NLGN1: variants seen among roughly 807,000 people sequenced by gnomAD.
NLGN1 encodes the protein neuroligin 1, also known as neuroligin-1.
A neutral mutation model predicts 65.5 loss-of-function variants in NLGN1; 12 were observed. The ratio of observed to expected loss-of-function variants is 0.18; its 90% CI spans 0.12 to 0.30. The LOEUF (loss-of-function observed/expected upper bound fraction) is 0.30, where lower values mean the gene tolerates loss of function less well. Ranked by LOEUF, NLGN1 falls within the 10% of genes least tolerant of loss-of-function variation. The pLI, the probability that NLGN1 is intolerant of heterozygous loss-of-function variation, is 1.00. For synonymous variants in NLGN1, 350 were observed against 359.5 expected, an observed-to-expected ratio of 0.97 and a Z score of 0.30; for missense variants, 750 against 1,007.1, an observed-to-expected ratio of 0.74 and a Z score of 3.46.
chr3:173,450,195 T>A (rs1721217445), intron 2 of NLGN1, among the ~76,000 whole-genome samples: 1 of 152,200 alleles, frequency 6.6e-6, no homozygotes, highest in Admixed American at 6.5e-5. Flanking sequence ...TTGCAGTGGC[T>A]GGTACTGGTT....
chr3:173,701,693 G>A (rs897726801), intron 3 of NLGN1, among the ~76,000 whole-genome samples: 2 of 152,198 alleles, frequency 1.3e-5, no homozygotes, highest in African/African-American at 4.8e-5. Flanking sequence ...AATTAGAACA[G>A]AGTGATTCAG....
intron 2 of NLGN1, among the ~76,000 whole-genome samples, chr3:173,511,132 T>C (rs1257071227): frequency 6.6e-6 from 1 of 152,186 alleles, no homozygotes; most frequent in South Asian, 2.1e-4. Flanking sequence ...CATTTAGTAT[T>C]GAAGAGAAAA....
chr3:173,568,124 A>G (rs1227264488), intron 2 of NLGN1, among the ~76,000 whole-genome samples: 2 of 151,628 alleles, frequency 1.3e-5, no homozygotes, highest in African/African-American at 4.8e-5. Flanking sequence ...CTCTTGTACA[A>G]TAGATTTCCT....
chr3:173,613,358 C>T (rs139132737), intron 3 of NLGN1, among the ~76,000 whole-genome samples: 90 of 152,242 alleles, frequency 5.9e-4, no homozygotes, highest in African/African-American at 2.0e-3. Flanking sequence ...CCCTTTACCA[C>T]GATGACCCTT....
At chr3:173,705,783 C>T (rs974040517) in intron 3 of NLGN1, among the ~76,000 whole-genome samples, 1 of 151,848 alleles carries the variant, frequency 6.6e-6, no homozygotes, top group African/African-American at 2.4e-5. Flanking sequence ...GAGCCTGATC[C>T]TTTACATTTG....
intron 4 of NLGN1, among the ~76,000 whole-genome samples, chr3:174,110,508 A>C (rs1420568948): frequency 1.3e-5 from 2 of 151,990 alleles, no homozygotes; most frequent in Non-Finnish European, 2.9e-5. Flanking sequence ...TAACTCTTCA[A>C]GCATTTTCGT....
chr3:174,110,047 ATT>A (rs1277602004), intron 4 of NLGN1, among the ~76,000 whole-genome samples: 2 of 151,738 alleles, frequency 1.3e-5, no homozygotes, highest in Non-Finnish European at 2.9e-5. Flanking sequence ...TATTTTCATT[ATT>A]TTTTGTTTGT....
chr3:174,018,398 GAAGTGAT>G (rs913115942), intron 4 of NLGN1, among the ~76,000 whole-genome samples: 7 of 152,170 alleles, frequency 4.6e-5, no homozygotes, highest in African/African-American at 1.7e-4. Context: ...ATTGATTGGG[GAAGTGAT>G]AAGTGTCCAT....
chr3:174,046,308 C>G (rs948884214), intron 4 of NLGN1, among the ~76,000 whole-genome samples: 4 of 151,488 alleles, frequency 2.6e-5, no homozygotes, highest in African/African-American at 9.7e-5. Context: ...AAAATTGGCA[C>G]AATAAGATAT....
At chr3:173,930,872 G>C (rs952865793) in intron 4 of NLGN1, among the ~76,000 whole-genome samples, 2 of 152,152 alleles carry the variant, frequency 1.3e-5, no homozygotes, top group Non-Finnish European at 2.9e-5. Context: ...TTTAAAATCT[G>C]TGTGGCCTCC....
intron 3 of NLGN1, among the ~76,000 whole-genome samples, chr3:173,608,400 G>A (rs1212281746): frequency 6.6e-6 from 1 of 151,856 alleles, no homozygotes; most frequent in African/African-American, 2.4e-5. Flanking sequence ...GAACAAACAG[G>A]CAGATAACAT....
intron 4 of NLGN1, among the ~76,000 whole-genome samples, chr3:174,000,239 A>C (rs919943014): frequency 6.6e-6 from 1 of 152,144 alleles, no homozygotes; most frequent in Non-Finnish European, 1.5e-5. Flanking sequence ...AAAATTTCTC[A>C]TCAGGAATTT....
At chr3:173,513,900 C>A (rs530803255) in intron 2 of NLGN1, among the ~76,000 whole-genome samples, 28 of 152,030 alleles carry the variant, frequency 1.8e-4, no homozygotes, top group Admixed American at 9.2e-4. Flanking sequence ...TGGTGGTGGG[C>A]GCCTGTAATC....
intron 4 of NLGN1, among the ~76,000 whole-genome samples, chr3:174,264,476 G>C (rs1454414429): frequency 1.6e-4 from 24 of 149,736 alleles, no homozygotes; most frequent in Non-Finnish European, 2.5e-4. Flanking sequence ...TGATCGCATC[G>C]GCTCCTGAGG....
intron 2 of NLGN1, among the ~76,000 whole-genome samples, chr3:173,500,646 C>T (rs1730931872): frequency 6.6e-6 from 1 of 152,042 alleles, no homozygotes; most frequent in Admixed American, 6.6e-5. Flanking sequence ...CCTCTTTGTA[C>T]CTGTGGTAGA....
intron 2 of NLGN1, among the ~76,000 whole-genome samples, chr3:173,435,667 T>C (rs925703712): frequency 3.3e-5 from 5 of 152,144 alleles, no homozygotes; most frequent in Non-Finnish European, 7.3e-5. Flanking sequence ...AAACCTTATC[T>C]CTACTAAAAA....
intron 4 of NLGN1, among the ~76,000 whole-genome samples, chr3:174,101,500 A>G (rs2152574630): frequency 6.6e-6 from 1 of 152,246 alleles, no homozygotes; most frequent in Non-Finnish European, 1.5e-5. Flanking sequence ...TTACGTCTGA[A>G]CCCAAAGTGC....
intron 3 of NLGN1, among the ~76,000 whole-genome samples, chr3:173,681,686 A>G (rs1440795227): frequency 6.6e-6 from 1 of 152,168 alleles, no homozygotes; most frequent in Non-Finnish European, 1.5e-5. Context: ...GTAACTACTT[A>G]CTAGGTATAC....
intron 4 of NLGN1, among the ~76,000 whole-genome samples, chr3:173,878,595 ATC>A (rs1208556454): frequency 1.3e-5 from 2 of 150,686 alleles, no homozygotes; most frequent in African/African-American, 2.4e-5. Flanking sequence ...TCATGCATTT[ATC>A]TGTCTTTTAT....
Sources: gnomAD v4.1 joint callset for allele counts (sites outside exome capture counted in the v4.1 genomes callset) on GRCh38, gnomAD v4.1.1 for gene constraint, MANE v1.5 for transcripts, NCBI Gene and HGNC (gene_info 2026-07-23, HGNC 2026-07-21) for gene names.